Variants in THADA observed in about 807,000 individuals in gnomAD.
THADA encodes the protein tRNA (32-2'-O)-methyltransferase regulator THADA.
In THADA, 213 loss-of-function variants were observed where a neutral mutation model predicts 219.8. The observed-to-expected ratio is 0.97, with a 90% CI of 0.87 to 1.09. The LOEUF (loss-of-function observed/expected upper bound fraction) is 1.09, where lower values mean the gene tolerates loss of function less well. Among genes scored for constraint, THADA ranks in the 50% least tolerant of loss-of-function variants. The pLI is 0.00. For synonymous variants in THADA, 1,018 were observed against 828.9 expected (o/e 1.23, Z -3.92); for missense variants, 2,956 against 2,311.3 (o/e 1.28, Z -5.72).
rs72877380 is a variant in THADA at position 43,327,872 on chromosome 2, C to T, written c.4344-7332G>A. On this transcript the variant is annotated intron_variant, in intron 30 of 37. Transcript: ENST00000405975. ...GATACGCTGAATGGCTGTCTGAACC[C>T]AGGATATTTTGTTGAGCTTCCCCTT... 6.2e-3 allele frequency among the ~76,000 whole-genome samples: 938 copies of T among 152,274 alleles called. 15 individuals carry two copies. The highest frequency in any genetic ancestry group is 0.021 in the African/African-American group (891 of 41,560).
intron 26 of THADA, among the ~76,000 whole-genome samples, chr2:43,451,886 C>T (rs922866116): frequency 1.3e-5 from 2 of 152,212 alleles, no homozygotes; most frequent in South Asian, 2.1e-4. Context: ...GCAGGTCAAT[C>T]ACCTGAGGTC....
At chr2:43,295,983 G>C (rs945999645) in intron 31 of THADA, among the ~76,000 whole-genome samples, 1 of 149,288 alleles carries the variant, frequency 6.7e-6, no homozygotes, top group Non-Finnish European at 1.5e-5. Flanking sequence ...GCAGTGGTGC[G>C]ATCTCGGCTC....
intron 21 of THADA, among the ~76,000 whole-genome samples, chr2:43,534,016 A>G (rs1354142013): frequency 6.6e-6 from 1 of 152,232 alleles, no homozygotes; most frequent in Non-Finnish European, 1.5e-5. Flanking sequence ...GGATGAATAT[A>G]AGATAAATAT....
In THADA at chr2:43,549,216, T is replaced by C; in HGVS notation, c.3100A>G (p.Ile1034Val). The change falls in exon 20 of 38, where the codon ATC becomes GTC. Residue 1034 changes from isoleucine (I) to valine (V), a missense_variant. Transcript: ENST00000405975. ...SVVNIDTSTE[I>V]KGKEVKTCDV... ...TCCATTTTATACAAGTTACCTTTGA[T>C]TTCTGTAGAAGTATCAATATTCACC... The C allele has an allele frequency of 3.2e-6, 5 of 1,567,102 alleles. No homozygotes were observed. Among genetic ancestry groups the C allele is most frequent in the Non-Finnish European group, 4.3e-6 (5 of 1,157,944 alleles).
At chr2:43,485,704 T>A (rs536479520) in intron 25 of THADA, among the ~76,000 whole-genome samples, 1 of 152,212 alleles carries the variant, frequency 6.6e-6, no homozygotes, top group South Asian at 2.1e-4. Context: ...TTTTCTGAAA[T>A]CATTTTACCT....
intron 23 of THADA, 136 bp downstream of exon 23, chr2:43,508,512 C>A (rs1195221213): frequency 4.9e-5 from 41 of 840,824 alleles, no homozygotes; most frequent in Admixed American, 3.3e-5. Flanking sequence ...TAAAACAAAG[C>A]CACAAATGCT....
chr2:43,430,655 C>A, intron 26 of THADA: 1 of 458,400 alleles, frequency 2.2e-6, no homozygotes, highest in Non-Finnish European at 4.4e-6. Context: ...CTGAGACTGA[C>A]TCAGCTTCAG....
chr2:43,535,330 TTTG>T (rs1694427440), intron 21 of THADA, among the ~76,000 whole-genome samples: 1 of 151,840 alleles, frequency 6.6e-6, no homozygotes, highest in South Asian at 2.1e-4. Flanking sequence ...AGGTTTTTAG[TTTG>T]ATATAATCCC....
chr2:43,446,434 G>C (rs550831751), intron 26 of THADA, among the ~76,000 whole-genome samples: 5 of 152,288 alleles, frequency 3.3e-5, no homozygotes, highest in African/African-American at 9.6e-5. Context: ...TCACCCTCTT[G>C]AAGTCCTGAC....
intron 36 of THADA, among the ~76,000 whole-genome samples, chr2:43,234,469 G>C (rs1667795053): frequency 6.6e-6 from 1 of 152,146 alleles, no homozygotes; most frequent in Admixed American, 6.6e-5. Context: ...ATTTAAACCA[G>C]GAAACAGAAA....
At chr2:43,541,859 G>C (rs1695367145) in intron 20 of THADA, among the ~76,000 whole-genome samples, 1 of 151,910 alleles carries the variant, frequency 6.6e-6, no homozygotes, top group Admixed American at 6.6e-5. Flanking sequence ...TCCAAAACTT[G>C]TTTAATCTTT....
intron 26 of THADA, among the ~76,000 whole-genome samples, chr2:43,468,339 A>G (rs962427835): frequency 4.6e-5 from 7 of 152,196 alleles, no homozygotes; most frequent in African/African-American, 1.7e-4. Context: ...ATATTAATGA[A>G]TACAACGCTT....
chr2:43,448,994 C>T (rs12996868), intron 26 of THADA, among the ~76,000 whole-genome samples: 1 of 151,950 alleles, frequency 6.6e-6, no homozygotes, highest in Non-Finnish European at 1.5e-5. Flanking sequence ...GGAACTGGCC[C>T]TGAGAAAGAC....
At chr2:43,547,555 T>C (rs1391137230) in intron 20 of THADA, among the ~76,000 whole-genome samples, 1 of 152,180 alleles carries the variant, frequency 6.6e-6, no homozygotes, top group African/African-American at 2.4e-5. Flanking sequence ...CTTGGAGGCT[T>C]TGTTCATTTC....
chr2:43,531,154 G>A (rs963528440), intron 21 of THADA, among the ~76,000 whole-genome samples: 2 of 152,202 alleles, frequency 1.3e-5, no homozygotes, highest in Non-Finnish European at 2.9e-5. Flanking sequence ...CCAACATGCT[G>A]TCTGGTGTCC....
At chr2:43,537,041 G>A (rs1264371875) in intron 21 of THADA, among the ~76,000 whole-genome samples, 1 of 152,116 alleles carries the variant, frequency 6.6e-6, no homozygotes, top group South Asian at 2.1e-4. Context: ...TTGGTTAAAC[G>A]GGATGTTTTA....
chr2:43,576,783 T>G (rs1042744670), intron 10 of THADA, among the ~76,000 whole-genome samples: 1 of 152,160 alleles, frequency 6.6e-6, no homozygotes, highest in Non-Finnish European at 1.5e-5. Flanking sequence ...GCCTCCCACG[T>G]AGCTGAGACT....
chr2:43,546,776 G>C (rs1451179056), intron 20 of THADA, among the ~76,000 whole-genome samples: 2 of 152,218 alleles, frequency 1.3e-5, no homozygotes, highest in African/African-American at 2.4e-5. Context: ...CTGCACATGA[G>C]ATGGGTTTCC....
In THADA at chr2:43,231,352, G is replaced by A. The variant is rs767943168; in HGVS notation, c.5467-9C>T. The stretch of plus-strand genomic sequence containing the variant: ...AGGTAGTCTTCTTCCACCTAAATCA[G>A]ATGAAAAAGCCGAAAGTCAGTCTTA... On this transcript the variant is annotated splice_polypyrimidine_tract_variant and intron_variant, in intron 37 of 37. Coordinates refer to ENST00000405975, the MANE Select transcript of THADA (RefSeq NM_022065.5). The A allele has an allele frequency of 6.6e-7, 1 of 1,510,934 alleles. No homozygotes were observed. The highest frequency in any genetic ancestry group is 2.4e-5 in the Admixed American group (1 of 42,296). The allele number at this position is 1,510,934 out of a possible 1,614,324, so 93.6% of individuals were successfully genotyped here.
Sources: allele counts gnomAD v4.1 joint callset (sites outside exome capture counted in the v4.1 genomes callset), GRCh38; gene constraint gnomAD v4.1.1; transcripts MANE v1.5; gene names NCBI Gene and HGNC (gene_info 2026-07-23, HGNC 2026-07-21).